The following DPP10 variants were observed in gnomAD, a reference collection of about 807,000 sequenced individuals.
DPP10 encodes inactive dipeptidyl peptidase 10.
In DPP10, 33 loss-of-function variants were observed where a neutral mutation model predicts 120.9. The observed-to-expected ratio is 0.27, with a 90% CI of 0.21 to 0.37. The LOEUF is 0.37. Ranked by LOEUF, DPP10 falls within the 10% of genes least tolerant of loss-of-function variation. DPP10 has a pLI of 1.00. For missense variants in DPP10, 816 were observed against 942.8 expected (o/e 0.87, Z 1.76); for synonymous variants, 337 against 326.1 (o/e 1.03, Z -0.36).
intron 1 of DPP10, among the ~76,000 whole-genome samples, chr2:115,057,953 TAC>T (rs1317890773): frequency 2.0e-5 from 3 of 152,210 alleles, no homozygotes; most frequent in Non-Finnish European, 4.4e-5. Context: ...TTGATTTACT[TAC>T]AGAGTAGGAA....
chr2:114,923,445 G>A (rs1472132806), intron 1 of DPP10, among the ~76,000 whole-genome samples: 3 of 145,486 alleles, frequency 2.1e-5, no homozygotes, highest in Admixed American at 7.0e-5. Context: ...GATTACAGGC[G>A]TGAGCCACCA....
intron 1 of DPP10, among the ~76,000 whole-genome samples, chr2:114,507,174 A>G (rs1683743976): frequency 6.6e-6 from 1 of 151,176 alleles, no homozygotes; most frequent in African/African-American, 2.4e-5. Flanking sequence ...CAGCCTCTCG[A>G]ATAGCTGAGA....
At chr2:114,762,566 A>G (rs2106108125) in intron 1 of DPP10, among the ~76,000 whole-genome samples, 1 of 152,348 alleles carries the variant, frequency 6.6e-6, no homozygotes, top group Admixed American at 6.5e-5. Flanking sequence ...AGAACACAGA[A>G]AATGATAAAC....
intron 1 of DPP10, among the ~76,000 whole-genome samples, chr2:114,877,266 A>G (rs1464340367): frequency 1.3e-5 from 2 of 152,240 alleles, no homozygotes; most frequent in African/African-American, 4.8e-5. Context: ...GGAAAAGGAA[A>G]CAAGGCTTAT....
chr2:115,249,931 T>C (rs1426490038), intron 1 of DPP10, among the ~76,000 whole-genome samples: 1 of 152,168 alleles, frequency 6.6e-6, no homozygotes, highest in Non-Finnish European at 1.5e-5. Flanking sequence ...TTTATTGAAT[T>C]ATTGCAATGG....
intron 5 of DPP10, among the ~76,000 whole-genome samples, chr2:115,626,882 T>C (rs777652473): frequency 6.6e-5 from 10 of 152,216 alleles, no homozygotes; most frequent in Non-Finnish European, 1.5e-4. Flanking sequence ...TGAACAGATA[T>C]TGATTTCTAA....
chr2:114,911,433 T>C (rs1162690270), intron 1 of DPP10, among the ~76,000 whole-genome samples: 1 of 152,202 alleles, frequency 6.6e-6, no homozygotes, highest in Non-Finnish European at 1.5e-5. Context: ...AGACAGAAGT[T>C]CTCTGTCCTC....
chr2:115,377,020 A>C (rs1038851013), intron 3 of DPP10, among the ~76,000 whole-genome samples: 21 of 150,290 alleles, frequency 1.4e-4, no homozygotes, highest in South Asian at 8.5e-4. Flanking sequence ...ATACATGTGC[A>C]TGTGTCTTTA....
intron 1 of DPP10, among the ~76,000 whole-genome samples, chr2:115,035,244 C>T (rs1374340060): frequency 2.0e-5 from 3 of 152,230 alleles, no homozygotes; most frequent in Admixed American, 6.5e-5. Flanking sequence ...TTAAACATTA[C>T]TCTTTCCCTA....
intron 3 of DPP10, among the ~76,000 whole-genome samples, chr2:115,453,356 T>A (rs1036920700): frequency 1.1e-4 from 16 of 151,428 alleles, no homozygotes; most frequent in African/African-American, 1.2e-4. Context: ...ATTAGAAAAT[T>A]TTTTTTCTTA....
rs531556436 is a variant in DPP10 at position 114,542,051 on chromosome 2, T to TC, written c.60+99213_60+99214insC. 4.5e-3 allele frequency among the ~76,000 whole-genome samples: 652 copies of TC among 144,310 alleles called. 13 individuals are homozygous for TC. The highest frequency in any genetic ancestry group is 0.016 in the African/African-American group (627 of 39,276). 94.7% of individuals were successfully genotyped at this position (144,310 alleles called of 152,430 possible). ...AGTTTTTTTTCTTTCTTTCTTTCCTTTTTTTTTTTTTTTTGAGATGGAGTC... is the reference window on the plus strand; with the variant it reads ...AGTTTTTTTTCTTTCTTTCTTTCCTTCTTTTTTTTTTTTTTGAGATGGAGTC... On this transcript the variant is annotated intron_variant, in intron 1 of 25. Coordinates refer to ENST00000410059, the MANE Select transcript of DPP10 (RefSeq NM_020868.6).
At chr2:114,712,589 C>T (rs1701096662) in intron 1 of DPP10, among the ~76,000 whole-genome samples, 1 of 152,244 alleles carries the variant, frequency 6.6e-6, no homozygotes, top group Non-Finnish European at 1.5e-5. Context: ...ACACCTACTT[C>T]ATCTTCTTTC....
chr2:115,563,688 C>T (rs1575187123), intron 5 of DPP10, among the ~76,000 whole-genome samples: 1 of 152,038 alleles, frequency 6.6e-6, no homozygotes, highest in South Asian at 2.1e-4. Flanking sequence ...CCTACCTCTT[C>T]GTAAGGAAAT....
chr2:115,088,245 T>A (rs866842616), intron 1 of DPP10, among the ~76,000 whole-genome samples: 22 of 152,100 alleles, frequency 1.4e-4, no homozygotes, highest in South Asian at 4.1e-4. Context: ...CATATATAAA[T>A]TGTTAAGGGA....
chr2:115,151,501 G>A (rs574596162), intron 1 of DPP10, among the ~76,000 whole-genome samples: 67 of 149,290 alleles, frequency 4.5e-4, no homozygotes, highest in African/African-American at 1.6e-3. Context: ...TCTGCCGCCT[G>A]GGTTCAAGTG....
At chr2:115,667,231 C>A (rs2089524274) in intron 5 of DPP10, among the ~76,000 whole-genome samples, 1 of 151,912 alleles carries the variant, frequency 6.6e-6, no homozygotes, top group African/African-American at 2.4e-5. Context: ...TGTTTAAGTT[C>A]CTTATAGATT....
At chr2:115,384,277 G>A (rs1167436142) in intron 3 of DPP10, among the ~76,000 whole-genome samples, 1 of 152,092 alleles carries the variant, frequency 6.6e-6, no homozygotes, top group African/African-American at 2.4e-5. Flanking sequence ...GGGAGGTCAA[G>A]ATGGGAAGAT....
intron 8 of DPP10, among the ~76,000 whole-genome samples, chr2:115,736,384 T>A (rs989790802): frequency 6.6e-6 from 1 of 152,130 alleles, no homozygotes; most frequent in African/African-American, 2.4e-5. Context: ...CCTCTATCAA[T>A]CCAAGTACAT....
chr2:115,150,525 T>C (rs1329481531), intron 1 of DPP10, among the ~76,000 whole-genome samples: 1 of 152,236 alleles, frequency 6.6e-6, no homozygotes, highest in African/African-American at 2.4e-5. Context: ...ATTGAAAATA[T>C]GTTTTCTTGC....
Sources: gnomAD v4.1 joint callset for allele counts (sites outside exome capture counted in the v4.1 genomes callset) on GRCh38, gnomAD v4.1.1 for gene constraint, MANE v1.5 for transcripts, NCBI Gene and HGNC (gene_info 2026-07-23, HGNC 2026-07-21) for gene names.